The following CPXM2 variants were observed in gnomAD, a reference collection of about 807,000 sequenced individuals.
The protein encoded by CPXM2 is inactive carboxypeptidase-like protein X2.
CPXM2 carries 66 observed loss-of-function variants against 86.1 expected under a neutral mutation model. The ratio of observed to expected loss-of-function variants is 0.77; its 90% CI spans 0.63 to 0.94. The LOEUF (loss-of-function observed/expected upper bound fraction) is 0.94, where lower values mean the gene tolerates loss of function less well. Among genes scored for constraint, CPXM2 ranks in the 40% least tolerant of loss-of-function variants. CPXM2 has a pLI of 0.00. For synonymous variants in CPXM2, 388 were observed against 400.2 expected (o/e 0.97, Z 0.36); for missense variants, 948 against 1,026.3 (o/e 0.92, Z 1.04).
intron 2 of CPXM2, among the ~76,000 whole-genome samples, chr10:123,919,041 A>ATC (rs2134277108): frequency 1.5e-5 from 2 of 132,542 alleles, no homozygotes; most frequent in East Asian, 4.1e-4. Flanking sequence ...GAGCCCCTAA[A>ATC]TCTGTTTGAA....
chr10:123,854,443 TTATATATAA>T (rs1441438730), intron 3 of CPXM2, among the ~76,000 whole-genome samples: 86 of 127,456 alleles, frequency 6.7e-4, no homozygotes, highest in Admixed American at 1.4e-3. Flanking sequence ...TAATATACTT[TTATATATAA>T]TATATATAAT....
chr10:123,860,357 T>TC (rs1309732482), intron 3 of CPXM2, among the ~76,000 whole-genome samples: 1 of 151,992 alleles, frequency 6.6e-6, no homozygotes, highest in Non-Finnish European at 1.5e-5. Flanking sequence ...TGTTCCAAAG[T>TC]CCCCCAATCT....
chr10:123,841,582 C>T (rs907435810), intron 4 of CPXM2, among the ~76,000 whole-genome samples: 2 of 152,194 alleles, frequency 1.3e-5, no homozygotes, highest in African/African-American at 4.8e-5. Flanking sequence ...TGCTCTAGGT[C>T]ATCATGGAAG....
chr10:123,799,189 C>T lies in CPXM2; in HGVS notation c.664G>A (p.Val222Met), dbSNP rs755474622. ...CTCACCATGACCTTATAGGATGTCA[C>T]CCAGTCACTCCTATGAGAAAATAAA... ...GRNSLWLSDW[V>M]TSYKVMVSND... The change falls in exon 5 of 14, where the codon GTG becomes ATG. Residue 222 changes from valine (V) to methionine (M), a missense_variant. By Grantham distance (21) the Val-to-Met change is conservative. Transcript: ENST00000241305. 6.2e-7 allele frequency: 1 copy of T among 1,614,068 alleles called. No individual in the cohort carries two copies. Among genetic ancestry groups the T allele is most frequent in the East Asian group, 2.2e-5 (1 of 44,882 alleles).
intron 2 of CPXM2, among the ~76,000 whole-genome samples, chr10:123,919,013 G>A (rs1945559334): frequency 6.6e-6 from 1 of 150,738 alleles, no homozygotes. Flanking sequence ...TTTGGAAGAG[G>A]AGGCAGCTGA....
intron 3 of CPXM2, among the ~76,000 whole-genome samples, chr10:123,844,102 T>C (rs534967111): frequency 5.9e-5 from 9 of 152,084 alleles, no homozygotes; most frequent in Non-Finnish European, 1.0e-4. Flanking sequence ...AAATCGATTA[T>C]GAATTTAAAA....
chr10:123,875,807 CTTTTTT>C lies in CPXM2; in HGVS notation c.403+4398_403+4403del, dbSNP rs780970130. On this transcript the variant is annotated intron_variant, in intron 2 of 13. Coordinates refer to ENST00000241305, the MANE Select transcript of CPXM2 (RefSeq NM_198148.3). ...GAGATCATGTTTCTTTCTTTTCTTT[CTTTTTT>C]TTTTTTTTTTTTTTTTTTGGTGGGA... Among the ~76,000 whole-genome samples the C allele has an allele frequency of 7.3e-3, 615 of 84,664 alleles. 4 individuals are homozygous for C. Among genetic ancestry groups the C allele is most frequent in the African/African-American group, 0.025 (589 of 23,576 alleles). 55.5% of individuals were successfully genotyped at this position (84,664 alleles called of 152,430 possible).
At chr10:123,906,159 T>C (rs1945438365) in intron 2 of CPXM2, among the ~76,000 whole-genome samples, 1 of 152,194 alleles carries the variant, frequency 6.6e-6, no homozygotes, top group Non-Finnish European at 1.5e-5. Flanking sequence ...CCCAAGTCCA[T>C]GCATTTCATC....
intron 3 of CPXM2, among the ~76,000 whole-genome samples, chr10:123,851,768 C>CAAA (rs58638640): frequency 2.7e-4 from 27 of 101,044 alleles, no homozygotes; most frequent in African/African-American, 7.8e-4. Context: ...GACATCATCT[C>CAAA]AAAAAAAAAA....
At chr10:123,780,745 C>A (rs1279779051) in intron 6 of CPXM2, among the ~76,000 whole-genome samples, 2 of 152,074 alleles carry the variant, frequency 1.3e-5, no homozygotes, top group Non-Finnish European at 2.9e-5. Context: ...CCCTTCCTTC[C>A]TTCCTTCCTT....
intron 2 of CPXM2, among the ~76,000 whole-genome samples, chr10:123,872,244 C>T (rs184148906): frequency 8.2e-4 from 125 of 152,256 alleles, no homozygotes; most frequent in Admixed American, 1.8e-3. Context: ...GTCTTAACAG[C>T]ACCATTTATA....
chr10:123,943,357 G>A (rs538505292), upstream of CPXM2, among the ~76,000 whole-genome samples: 1 of 152,312 alleles, frequency 6.6e-6, no homozygotes, highest in African/African-American at 2.4e-5. Context: ...GTACAAGTTT[G>A]TGGGAAGTTG....
Position 123,842,490 on chromosome 10 carries a change from T to C in CPXM2, c.514-2A>G, listed in dbSNP as rs1564793919. The stretch of plus-strand genomic sequence containing the variant: ...AAAATCATTTTCATTAATGCCCGCC[T>C]AGAAAGAAAGAAAGCGGTGTTCTTC... On this transcript the variant is annotated splice_acceptor_variant, in intron 3 of 13. Transcript: ENST00000241305. LOFTEE classifies it high-confidence loss of function. The C allele has an allele frequency of 6.2e-7, 1 of 1,613,336 alleles. No homozygotes were observed. The highest frequency in any genetic ancestry group is 8.5e-7 in the Non-Finnish European group (1 of 1,179,360).
intron 2 of CPXM2, among the ~76,000 whole-genome samples, chr10:123,926,000 T>C (rs1290684257): frequency 1.3e-5 from 2 of 152,216 alleles, no homozygotes; most frequent in African/African-American, 4.8e-5. Flanking sequence ...TTTTAAAGTA[T>C]AGCAGGATCT....
chr10:123,762,179 TC>T lies in CPXM2; in HGVS notation c.1480-11del, dbSNP rs1269593970. 4 of 1,613,880 alleles carry T rather than the reference TC, an allele frequency of 2.5e-6. No homozygotes were observed. The East Asian group carries it at 8.9e-5, about 36-fold the overall frequency. Reference sequence around the variant, plus strand: ...TGGTCTCGGCAGCCACCTGTGAACATCCCAAATGGACGAGTAAAATAAGCAG... The same window carrying T: ...TGGTCTCGGCAGCCACCTGTGAACATCCAAATGGACGAGTAAAATAAGCAG... On this transcript the variant is annotated splice_polypyrimidine_tract_variant and intron_variant, in intron 10 of 13. Coordinates refer to ENST00000241305, the MANE Select transcript of CPXM2 (RefSeq NM_198148.3).
intron 1 of CPXM2, among the ~76,000 whole-genome samples, chr10:123,882,664 C>T (rs1217957861): frequency 6.6e-6 from 1 of 152,192 alleles, no homozygotes; most frequent in Non-Finnish European, 1.5e-5. Flanking sequence ...GGGCCGCCTC[C>T]CTGGGGCCTC....
chr10:123,791,225 C>T, intron 6 of CPXM2, among the ~76,000 whole-genome samples: 1 of 152,074 alleles, frequency 6.6e-6, no homozygotes, highest in Non-Finnish European at 1.5e-5. Flanking sequence ...ACCAGCCTGA[C>T]CAACATGGAG....
At chr10:123,803,150 T>TTTTTA (rs1847498972) in intron 4 of CPXM2, among the ~76,000 whole-genome samples, 1 of 103,900 alleles carries the variant, frequency 9.6e-6, no homozygotes, top group Non-Finnish European at 1.8e-5. Flanking sequence ...TTTTTTTTTT[T>TTTTTA]GAGACAGCGT....
chr10:123,779,641 C>T (rs1433403908), intron 7 of CPXM2, among the ~76,000 whole-genome samples: 2 of 152,090 alleles, frequency 1.3e-5, no homozygotes, highest in Non-Finnish European at 2.9e-5. Flanking sequence ...CAATATGCAA[C>T]CAAGATTGAA....
Sources: allele counts gnomAD v4.1 joint callset (sites outside exome capture counted in the v4.1 genomes callset), GRCh38; gene constraint gnomAD v4.1.1; transcripts MANE v1.5; gene names NCBI Gene and HGNC (gene_info 2026-07-23, HGNC 2026-07-21).